The following TBC1D19 variants were observed in gnomAD, a reference collection of about 807,000 sequenced individuals.
TBC1D19 encodes the protein TBC1 domain family, member 19.
TBC1D19 carries 60 observed loss-of-function variants against 89.0 expected under a neutral mutation model. That is an observed-to-expected ratio of 0.67 (90% CI 0.55 to 0.84). TBC1D19 has a LOEUF of 0.84. Ranked by LOEUF, TBC1D19 falls within the 40% of genes least tolerant of loss-of-function variation. The pLI is 0.00. For synonymous variants in TBC1D19, 189 were observed against 199.7 expected, an observed-to-expected ratio of 0.95 and a Z score of 0.45; for missense variants, 500 against 610.8, an observed-to-expected ratio of 0.82 and a Z score of 1.91.
the TBC1D19 span, among the ~76,000 whole-genome samples, chr4:26,846,898 T>C: frequency 2.4e-3 from 373 of 152,310 alleles, 2 homozygotes; most frequent in African/African-American, 8.2e-3. Flanking sequence ...CTACACTCTT[T>C]TTACTGATTT....
At chr4:26,651,083 T>G (rs1744335439) in intron 7 of TBC1D19, among the ~76,000 whole-genome samples, 2 of 152,218 alleles carry the variant, frequency 1.3e-5, no homozygotes, top group South Asian at 4.1e-4. Context: ...ATATCTCTGT[T>G]TTGGTACGAG....
the TBC1D19 span, among the ~76,000 whole-genome samples, chr4:26,768,395 A>G: frequency 6.6e-6 from 1 of 152,226 alleles, no homozygotes; most frequent in African/African-American, 2.4e-5. Context: ...ATAAGAATAC[A>G]AATATATCCA....
At chr4:26,767,990 G>A in the TBC1D19 span, among the ~76,000 whole-genome samples, 1 of 152,128 alleles carries the variant, frequency 6.6e-6, no homozygotes, top group Non-Finnish European at 1.5e-5. Context: ...GGGATTAGGA[G>A]TTCCAGGAGG....
At position 26,672,176 on chromosome 4, in the gene TBC1D19, T is replaced by G; in HGVS notation, c.692T>G (p.Ile231Ser). ...CTTTTTGAAAATGAACATGTACGTA[T>G]TGGGCAAAAAGGTAAGCTTTTAATT... ...PELFENEHVR[I>S]GQKVLAEQDS... is the part of the protein sequence containing the mutation. The change falls in exon 10 of 21, where the codon ATT becomes AGT. Residue 231 changes from isoleucine to serine, a missense_variant. By Grantham distance (142) the Ile-to-Ser change is moderately radical. This residue lies in a region of TBC1D19 where 280 missense variants were observed against 291.7 expected (regional missense o/e 0.96). Coordinates refer to ENST00000264866, the MANE Select transcript of TBC1D19 (RefSeq NM_018317.4). 2.3e-6 allele frequency: 3 copies of G among 1,302,908 alleles called. No homozygotes were observed. Among genetic ancestry groups the G allele is most frequent in the Non-Finnish European group, 3.0e-6 (3 of 985,076 alleles). 80.7% of individuals were successfully genotyped at this position (1,302,908 alleles called of 1,614,324 possible).
chr4:26,844,352 T>C, the TBC1D19 span, among the ~76,000 whole-genome samples: 1 of 152,240 alleles, frequency 6.6e-6, no homozygotes, highest in Non-Finnish European at 1.5e-5. Flanking sequence ...ACAAGAATTT[T>C]AGATCGTCAA....
At chr4:26,674,072 C>T (rs1256493869) in intron 11 of TBC1D19, among the ~76,000 whole-genome samples, 184 bp downstream of exon 11, 1 of 151,954 alleles carries the variant, frequency 6.6e-6, no homozygotes, top group East Asian at 1.9e-4. Flanking sequence ...ATATTGTCTG[C>T]TTAATATTGA....
At chr4:26,673,953 A>G (rs1017476563) in intron 11 of TBC1D19, 65 bp downstream of exon 11, 2 of 973,882 alleles carry the variant, frequency 2.1e-6, no homozygotes, top group Middle Eastern at 2.2e-4. Context: ...AAGACCAGTT[A>G]TTCAAAATTG....
intron 1 of TBC1D19, among the ~76,000 whole-genome samples, chr4:26,604,152 T>TC (rs1553896359): frequency 1.6e-5 from 2 of 128,210 alleles, no homozygotes; most frequent in East Asian, 2.1e-4. Context: ...CTTTTTCTTT[T>TC]TTTTTTTTTT....
intron 18 of TBC1D19, among the ~76,000 whole-genome samples, chr4:26,746,362 C>G (rs1441367942): frequency 6.6e-6 from 1 of 151,956 alleles, no homozygotes; most frequent in East Asian, 1.9e-4. Context: ...CATCACCACA[C>G]ACAGCCCTTC....
rs116354463 is a variant in TBC1D19 at position 26,576,905 on chromosome 4, C to T, written c.6+108C>T. 3,059 of 452,292 alleles carry T rather than the reference C, an allele frequency of 6.8e-3. 69 individuals are homozygous for T. The highest frequency in any genetic ancestry group is 0.048 in the African/African-American group (2,394 of 50,078). The allele number at this position is 452,292 out of a possible 1,614,324, so 28.0% of individuals were successfully genotyped here. A position where few individuals can be genotyped will look rare whatever the true frequency, so the allele number is the denominator to read the frequency against. Reference sequence around the variant, plus strand: ...GTGTGTCAAATTGGCTAGGCTATGGCGCCCAGTTGTTTGGTCAAACAGTAA... The same window carrying T: ...GTGTGTCAAATTGGCTAGGCTATGGTGCCCAGTTGTTTGGTCAAACAGTAA... On this transcript the variant is annotated intron_variant, in intron 1 of 12. Transcript: ENST00000512840.
intron 13 of TBC1D19, among the ~76,000 whole-genome samples, chr4:26,712,123 T>G (rs1291657735): frequency 1.3e-5 from 2 of 152,142 alleles, no homozygotes; most frequent in Non-Finnish European, 2.9e-5. Context: ...GTTTTTCCTC[T>G]AGGCAATAGT....
the TBC1D19 span, among the ~76,000 whole-genome samples, chr4:26,805,927 C>T: frequency 6.6e-6 from 1 of 152,092 alleles, no homozygotes; most frequent in African/African-American, 2.4e-5. Context: ...GCCGAGATCG[C>T]ACTATTGCCC....
intron 1 of TBC1D19, among the ~76,000 whole-genome samples, chr4:26,603,591 A>G (rs909938742): frequency 1.3e-5 from 2 of 152,322 alleles, no homozygotes; most frequent in East Asian, 3.9e-4. Context: ...ACAACAACCA[A>G]AACAACACAG....
the TBC1D19 span, among the ~76,000 whole-genome samples, chr4:26,813,018 G>C: frequency 4.6e-5 from 7 of 152,076 alleles, no homozygotes; most frequent in East Asian, 1.4e-3. Context: ...AGGAGTTTGA[G>C]ACCAGCCTGG....
the TBC1D19 span, among the ~76,000 whole-genome samples, chr4:26,810,642 C>T: frequency 1.1e-3 from 172 of 152,212 alleles, no homozygotes; most frequent in African/African-American, 4.0e-3. Flanking sequence ...CATCCTTCAC[C>T]CACCATTCAT....
chr4:26,834,868 G>A, the TBC1D19 span, among the ~76,000 whole-genome samples: 25 of 152,146 alleles, frequency 1.6e-4, no homozygotes, highest in Admixed American at 9.2e-4. Flanking sequence ...AGCAAATCCC[G>A]CTCCCAAGGT....
At chr4:26,752,975 A>G (rs1438581690) in intron 19 of TBC1D19, among the ~76,000 whole-genome samples, 1 of 151,996 alleles carries the variant, frequency 6.6e-6, no homozygotes, top group Non-Finnish European at 1.5e-5. Flanking sequence ...GTTGTTTTCT[A>G]CTTAATGTAT....
intron 15 of TBC1D19, among the ~76,000 whole-genome samples, chr4:26,730,213 A>T (rs1717569340): frequency 6.6e-6 from 1 of 152,166 alleles, no homozygotes; most frequent in Non-Finnish European, 1.5e-5. Flanking sequence ...TTTAATGAGT[A>T]CCTGTTATAT....
the TBC1D19 span, among the ~76,000 whole-genome samples, chr4:26,802,092 T>A: frequency 1.9e-3 from 286 of 152,088 alleles, no homozygotes; most frequent in African/African-American, 6.5e-3. Context: ...TGAAAATCCA[T>A]CCCATAGGAA....
Sources: allele counts gnomAD v4.1 joint callset (sites outside exome capture counted in the v4.1 genomes callset), GRCh38; gene constraint gnomAD v4.1.1; regional missense constraint gnomAD v4.1.1; transcripts MANE v1.5; gene names NCBI Gene and HGNC (gene_info 2026-07-23, HGNC 2026-07-21).